TACR3: variants seen among roughly 807,000 people sequenced by gnomAD.
TACR3 encodes tachykinin receptor 3, also known as neuromedin-K receptor.
Under a neutral mutation model 35.0 loss-of-function variants are expected in TACR3, and 34 were observed. The observed-to-expected ratio is 0.97, with a 90% confidence interval of 0.74 to 1.30. The LOEUF (loss-of-function observed/expected upper bound fraction) is 1.30. Among genes scored for constraint, TACR3 ranks in the 50% most tolerant of loss-of-function variants. The pLI, the probability that TACR3 is intolerant of heterozygous loss-of-function variation, is 0.00. For missense variants in TACR3, 558 were observed against 591.7 expected (o/e 0.94, Z 0.59); for synonymous variants, 233 against 221.1 (o/e 1.05, Z -0.48).
At chr4:103,640,082 C>A (rs772036611) in intron 3 of TACR3, among the ~76,000 whole-genome samples, 2 of 151,836 alleles carry the variant, frequency 1.3e-5, no homozygotes, top group African/African-American at 2.4e-5. Flanking sequence ...CCTAGATTAA[C>A]CCTCATCAAA....
chr4:103,616,349 CATAA>C (rs1408507646), intron 3 of TACR3, among the ~76,000 whole-genome samples: 2 of 151,646 alleles, frequency 1.3e-5, no homozygotes, highest in African/African-American at 2.4e-5. Flanking sequence ...AGAGCATATA[CATAA>C]ATAACATATG....
intron 3 of TACR3, among the ~76,000 whole-genome samples, chr4:103,635,067 G>T (rs1019587641): frequency 6.6e-6 from 1 of 151,694 alleles, no homozygotes; most frequent in Non-Finnish European, 1.5e-5. Context: ...TGATGTGCTG[G>T]GTCTGCGCAT....
Position 103,597,509 on chromosome 4 carries a change from G to A in TACR3, c.889-5826C>T, listed in dbSNP as rs1040002911. Among the ~76,000 whole-genome samples the A allele has an allele frequency of 4.6e-5, 7 of 152,074 alleles. No individual in the cohort carries two copies. In the South Asian group the frequency reaches 1.2e-3, roughly 27 times the overall value. ...TAGGGTACAAGTGCACAACGTGCAG[G>A]TTTGTTACATATGTATACATGTGCC... is the stretch of plus-strand genomic sequence containing the variant. On this transcript the variant is annotated intron_variant, in intron 3 of 4. Coordinates refer to ENST00000304883, the MANE Select transcript of TACR3 (RefSeq NM_001059.3).
intron 3 of TACR3, among the ~76,000 whole-genome samples, chr4:103,598,041 G>T (rs199509306): frequency 6.6e-6 from 1 of 152,022 alleles, no homozygotes; most frequent in African/African-American, 2.4e-5. Context: ...GACTTCCACA[G>T]TGGTTGAACT....
intron 1 of TACR3, among the ~76,000 whole-genome samples, chr4:103,682,342 T>A (rs901156653): frequency 5.9e-5 from 9 of 152,152 alleles, no homozygotes; most frequent in Admixed American, 5.9e-4. Flanking sequence ...GTAGGTTTAA[T>A]TGACTCACAG....
intron 3 of TACR3, among the ~76,000 whole-genome samples, chr4:103,654,652 A>T (rs1057100096): frequency 2.6e-5 from 4 of 151,774 alleles, no homozygotes; most frequent in African/African-American, 9.7e-5. Context: ...CATATGTAAC[A>T]AACCTGCACA....
chr4:103,700,861 T>C (rs1252288906), intron 1 of TACR3, among the ~76,000 whole-genome samples: 1 of 152,166 alleles, frequency 6.6e-6, no homozygotes, highest in Admixed American at 6.5e-5. Context: ...CGCTTCATGC[T>C]AAAAACTCAA....
chr4:103,684,976 C>T (rs1425109530), intron 1 of TACR3, among the ~76,000 whole-genome samples: 1 of 145,988 alleles, frequency 6.8e-6, no homozygotes, highest in Non-Finnish European at 1.5e-5. Context: ...GAGCAAGGCT[C>T]CATCTCAAAA....
intron 3 of TACR3, among the ~76,000 whole-genome samples, chr4:103,607,313 G>GA (rs1399594253): frequency 9.7e-4 from 148 of 152,098 alleles, no homozygotes; most frequent in Non-Finnish European, 7.1e-4. Context: ...TTTGAATTTT[G>GA]AAGGTATCTT....
intron 2 of TACR3, among the ~76,000 whole-genome samples, chr4:103,657,717 G>A (rs1229935841): frequency 6.6e-6 from 1 of 152,000 alleles, no homozygotes; most frequent in Non-Finnish European, 1.5e-5. Flanking sequence ...TATAGCATTT[G>A]TATTTCCTTT....
intron 1 of TACR3, among the ~76,000 whole-genome samples, chr4:103,680,475 A>G (rs1232059086): frequency 7.0e-6 from 1 of 142,950 alleles, no homozygotes; most frequent in Non-Finnish European, 1.5e-5. Flanking sequence ...AGTGATATAT[A>G]TATATATATA....
At chr4:103,684,737 A>G (rs996074101) in intron 1 of TACR3, among the ~76,000 whole-genome samples, 6 of 152,032 alleles carry the variant, frequency 3.9e-5, no homozygotes, top group Middle Eastern at 3.2e-3. Flanking sequence ...GTGGTGGCTC[A>G]TGCATCTGTA....
chr4:103,613,101 T>C (rs1425270195), intron 3 of TACR3, among the ~76,000 whole-genome samples: 2 of 152,126 alleles, frequency 1.3e-5, no homozygotes, highest in African/African-American at 2.4e-5. Context: ...TGTGCAAAAA[T>C]GGTCAATATA....
At chr4:103,637,194 A>C (rs1484357739) in intron 3 of TACR3, among the ~76,000 whole-genome samples, 5 of 152,182 alleles carry the variant, frequency 3.3e-5, no homozygotes, top group Non-Finnish European at 7.3e-5. Flanking sequence ...CCTCAATAAA[A>C]TACTGGCAAA....
At chr4:103,712,577 G>T (rs1722994887) in intron 1 of TACR3, among the ~76,000 whole-genome samples, 1 of 152,182 alleles carries the variant, frequency 6.6e-6, no homozygotes, top group African/African-American at 2.4e-5. Flanking sequence ...AGGACTTTAT[G>T]ACTAAAACAC....
intron 3 of TACR3, among the ~76,000 whole-genome samples, chr4:103,645,001 G>A (rs900527170): frequency 6.6e-5 from 10 of 151,800 alleles, no homozygotes; most frequent in Non-Finnish European, 1.3e-4. Context: ...AGTCATATGG[G>A]TAATTTCAAG....
intron 3 of TACR3, among the ~76,000 whole-genome samples, chr4:103,613,038 G>A (rs1724546787): frequency 6.6e-6 from 1 of 152,156 alleles, no homozygotes; most frequent in Non-Finnish European, 1.5e-5. Context: ...TTTCCCTTTA[G>A]AGTCTCTTTC....
At chr4:103,714,950 G>A (rs920381078) in intron 1 of TACR3, among the ~76,000 whole-genome samples, 1 of 152,094 alleles carries the variant, frequency 6.6e-6, no homozygotes, top group African/African-American at 2.4e-5. Context: ...TTATGTAAAA[G>A]TGAAATAGAA....
chr4:103,598,528 C>T (rs1019563021), intron 3 of TACR3, among the ~76,000 whole-genome samples: 5 of 152,148 alleles, frequency 3.3e-5, no homozygotes, highest in African/African-American at 9.6e-5. Flanking sequence ...AGTCCTTGCC[C>T]ATGCCTATGT....
Sources: gnomAD v4.1 joint callset for allele counts (sites outside exome capture counted in the v4.1 genomes callset) on GRCh38, gnomAD v4.1.1 for gene constraint, MANE v1.5 for transcripts, NCBI Gene and HGNC (gene_info 2026-07-23, HGNC 2026-07-21) for gene names.